CACNA1D: variants seen among roughly 807,000 people sequenced by gnomAD.
The protein encoded by CACNA1D is calcium voltage-gated channel subunit alpha1 D.
CACNA1D carries 55 observed loss-of-function variants against 257.1 expected under a neutral mutation model. The observed-to-expected ratio is 0.21, with a 90% CI of 0.17 to 0.27. The LOEUF is 0.27. CACNA1D is among the 10% of genes least tolerant of loss of function. The pLI, the probability that CACNA1D is intolerant of heterozygous loss-of-function variation, is 1.00. For synonymous variants in CACNA1D, 980 were observed against 1,014.9 expected, an observed-to-expected ratio of 0.97 and a Z score of 0.65; for missense variants, 1,876 against 2,784.0, an observed-to-expected ratio of 0.67 and a Z score of 7.34.
At chr3:53,585,690 A>G (rs2093203015) in intron 3 of CACNA1D, among the ~76,000 whole-genome samples, 1 of 152,138 alleles carries the variant, frequency 6.6e-6, no homozygotes, top group Non-Finnish European at 1.5e-5. Context: ...AATGCCTCCC[A>G]GAGCTCACCT....
chr3:53,555,460 GTT>G (rs372133749), intron 3 of CACNA1D, among the ~76,000 whole-genome samples: 22 of 78,366 alleles, frequency 2.8e-4, no homozygotes, highest in African/African-American at 1.1e-3. Context: ...GTGTGTGTGT[GTT>G]TTTTTTTTTT....
chr3:53,595,626 C>T (rs1459285405), intron 3 of CACNA1D, among the ~76,000 whole-genome samples: 1 of 152,266 alleles, frequency 6.6e-6, no homozygotes, highest in Non-Finnish European at 1.5e-5. Flanking sequence ...TGTCCTGGGC[C>T]CCTGCCTGAC....
chr3:53,792,589 G>A (rs1348674837), intron 40 of CACNA1D, among the ~76,000 whole-genome samples: 1 of 152,100 alleles, frequency 6.6e-6, no homozygotes, highest in Non-Finnish European at 1.5e-5. Flanking sequence ...AAACTCTGGG[G>A]GGCCCTATTC....
At chr3:53,512,686 C>G (rs2107259134) in intron 3 of CACNA1D, among the ~76,000 whole-genome samples, 1 of 152,312 alleles carries the variant, frequency 6.6e-6, no homozygotes, top group South Asian at 2.1e-4. Flanking sequence ...AGTTGGGCAT[C>G]TCCTATCTGA....
In CACNA1D at chr3:53,667,904, G is replaced by C. The variant is rs142496836; in HGVS notation, c.1116+1369G>C. ...TTCATAAAACGTCTTTTCATAAAGAGGAAGGAGGAAGGAGATGATATTGGC... is the reference window on the plus strand; with the variant it reads ...TTCATAAAACGTCTTTTCATAAAGACGAAGGAGGAAGGAGATGATATTGGC... On this transcript the variant is annotated intron_variant, in intron 7 of 47. Coordinates refer to ENST00000350061, the MANE Select transcript of CACNA1D (RefSeq NM_001128840.3). Among the ~76,000 whole-genome samples the C allele has an allele frequency of 5.4e-3, 815 of 151,700 alleles. 10 individuals carry two copies. The highest frequency in any genetic ancestry group is 0.019 in the African/African-American group (785 of 41,358).
At chr3:53,783,139 C>G (rs1255639598) in intron 39 of CACNA1D, 6 of 152,170 alleles carry the variant, frequency 3.9e-5, no homozygotes, top group Non-Finnish European at 8.8e-5. Context: ...AAACCTTCCC[C>G]CTGCGAGCTG....
chr3:53,704,080 C>G (rs919931106), intron 9 of CACNA1D, among the ~76,000 whole-genome samples: 1 of 152,110 alleles, frequency 6.6e-6, no homozygotes, highest in Non-Finnish European at 1.5e-5. Flanking sequence ...GTGGGCCCTT[C>G]AGCTGGAGCA....
intron 39 of CACNA1D, chr3:53,782,567 C>T (rs1363877590): frequency 6.6e-6 from 1 of 152,152 alleles, no homozygotes; most frequent in African/African-American, 2.4e-5. Context: ...AGGACGGTGA[C>T]CGAGGCCCTG....
chr3:53,738,013 G>C (rs958357542), intron 20 of CACNA1D, among the ~76,000 whole-genome samples: 1 of 152,170 alleles, frequency 6.6e-6, no homozygotes, highest in African/African-American at 2.4e-5. Context: ...AAGGCAAGAC[G>C]GCTAGAAGCA....
At chr3:53,730,766 A>C (rs2094983340) in intron 16 of CACNA1D, among the ~76,000 whole-genome samples, 1 of 152,256 alleles carries the variant, frequency 6.6e-6, no homozygotes. Flanking sequence ...CGGGGCTGAG[A>C]GTGGGAGTCA....
intron 7 of CACNA1D, among the ~76,000 whole-genome samples, chr3:53,671,665 G>A (rs1033134668): frequency 1.3e-5 from 2 of 152,176 alleles, no homozygotes; most frequent in Admixed American, 1.3e-4. Context: ...CAATTTTCAT[G>A]TGGCCAAACA....
intron 3 of CACNA1D, among the ~76,000 whole-genome samples, chr3:53,644,153 G>A (rs529993195): frequency 3.9e-5 from 6 of 152,314 alleles, no homozygotes; most frequent in African/African-American, 1.4e-4. Context: ...TTAAAGGAAT[G>A]ATAATTTATT....
At chr3:53,630,572 G>T (rs572465724) in intron 3 of CACNA1D, among the ~76,000 whole-genome samples, 1 of 152,258 alleles carries the variant, frequency 6.6e-6, no homozygotes, top group East Asian at 1.9e-4. Flanking sequence ...CTCAACTCTT[G>T]GGGAACAAAA....
At chr3:53,554,228 A>T (rs141343695) in intron 3 of CACNA1D, among the ~76,000 whole-genome samples, 1 of 152,184 alleles carries the variant, frequency 6.6e-6, no homozygotes, top group East Asian at 1.9e-4. Flanking sequence ...ATTATCATAC[A>T]AATCATATTT....
At chr3:53,807,579 C>T (rs1477472207) in intron 45 of CACNA1D, 1 of 152,276 alleles carries the variant, frequency 6.6e-6, no homozygotes, top group Non-Finnish European at 1.5e-5. Context: ...AAGCAGCGGT[C>T]AAGATAGGAG....
chr3:53,670,976 C>T (rs3774527), intron 7 of CACNA1D, among the ~76,000 whole-genome samples: 7,768 of 152,226 alleles, frequency 0.051, 272 homozygotes, highest in Middle Eastern at 0.099. Flanking sequence ...AGAGCCGAAG[C>T]TTGTCTCTCT....
intron 3 of CACNA1D, among the ~76,000 whole-genome samples, chr3:53,515,806 A>G (rs947258816): frequency 6.6e-6 from 1 of 152,172 alleles, no homozygotes; most frequent in African/African-American, 2.4e-5. Context: ...TGTTGTTGAG[A>G]GGATTAAAGG....
intron 3 of CACNA1D, among the ~76,000 whole-genome samples, chr3:53,541,827 G>A (rs1186547554): frequency 2.0e-5 from 3 of 152,112 alleles, no homozygotes; most frequent in African/African-American, 7.2e-5. Flanking sequence ...TTTGTATAAC[G>A]GTCTTTTACC....
At chr3:53,807,927 A>T (rs899593916) in intron 45 of CACNA1D, 1 of 152,526 alleles carries the variant, frequency 6.6e-6, no homozygotes, top group Non-Finnish European at 1.5e-5. Context: ...CCCTCCCTTT[A>T]AAACAGGTGT....
Sources: gnomAD v4.1 joint callset for allele counts (sites outside exome capture counted in the v4.1 genomes callset) on GRCh38, gnomAD v4.1.1 for gene constraint, MANE v1.5 for transcripts, NCBI Gene and HGNC (gene_info 2026-07-23, HGNC 2026-07-21) for gene names.